TCF7L2: variants seen among roughly 807,000 people sequenced by gnomAD.
TCF7L2 encodes transcription factor 7 like 2.
In TCF7L2, 23 loss-of-function variants were observed where a neutral mutation model predicts 77.9. The ratio of observed to expected loss-of-function variants is 0.30; its 90% confidence interval spans 0.21 to 0.42. TCF7L2 has a LOEUF of 0.42. TCF7L2 is among the 10% of genes least tolerant of loss of function. The pLI is 1.00. For synonymous variants in TCF7L2, 413 were observed against 340.2 expected (o/e 1.21, Z -2.36); for missense variants, 654 against 793.1 (o/e 0.82, Z 2.11).
At chr10:113,025,898 G>A (rs1355028453) in intron 4 of TCF7L2, among the ~76,000 whole-genome samples, 4 of 144,742 alleles carry the variant, frequency 2.8e-5, no homozygotes, top group East Asian at 3.9e-4. Flanking sequence ...TTTTTTTTTA[G>A]ATAGAGTCTT....
rs1321018150 is a variant in TCF7L2 at position 113,160,673 on chromosome 10, T to C, written c.1373T>C (p.Leu458Ser). The C allele has an allele frequency of 1.3e-6, 2 of 1,595,438 alleles. No homozygotes were observed. The highest frequency in any genetic ancestry group is 1.1e-5 in the South Asian group (1 of 87,318). The change falls in exon 13 of 14, where the codon TTA becomes TCA. Residue 458 changes from leucine (L) to serine (S), a missense_variant. Around this residue, in one of 6 missense-constraint regions of TCF7L2, gnomAD observed 272 missense variants for 215.4 expected, o/e 1.26. Coordinates refer to ENST00000627217, the MANE Select transcript of TCF7L2 (RefSeq NM_001146274.2). ...CTGTTCGGGCTTGACCGACAGACTT[T>C]ATGGTGCAAACCGTGCAGGTATATT...
intron 4 of TCF7L2, among the ~76,000 whole-genome samples, chr10:113,004,937 G>T (rs1423708959): frequency 6.6e-6 from 1 of 152,130 alleles, no homozygotes; most frequent in Non-Finnish European, 1.5e-5. Flanking sequence ...GCCTCCCAAA[G>T]GCTGTGATTA....
At chr10:113,012,190 C>T (rs747748375) in intron 4 of TCF7L2, among the ~76,000 whole-genome samples, 7 of 152,158 alleles carry the variant, frequency 4.6e-5, no homozygotes, top group Admixed American at 1.3e-4. Context: ...TAGATCAGAA[C>T]ATCTGGGGAA....
intron 5 of TCF7L2, among the ~76,000 whole-genome samples, chr10:113,046,210 T>C (rs2053422109): frequency 6.6e-6 from 1 of 152,146 alleles, no homozygotes; most frequent in African/African-American, 2.4e-5. Context: ...ACCATGGCAA[T>C]AGAAAATATC....
At chr10:113,129,210 CCCCTCTCCCATCGCAG>C in intron 5 of TCF7L2, 1 of 610,706 alleles carries the variant, frequency 1.6e-6, no homozygotes, top group South Asian at 7.2e-5. Flanking sequence ...CCTCCTCCCT[CCCCTCTCCCATCGCAG>C]CCCTCTCCCT....
intron 5 of TCF7L2, among the ~76,000 whole-genome samples, chr10:113,109,056 T>C (rs2062780830): frequency 6.6e-6 from 1 of 152,224 alleles, no homozygotes; most frequent in Admixed American, 6.5e-5. Flanking sequence ...ACAGTGTGTA[T>C]ACACAAACAC....
Position 113,041,384 on chromosome 10 carries a change from T to A in TCF7L2, c.552+1258T>A, listed in dbSNP as rs577556974. Among the ~76,000 whole-genome samples the A allele has an allele frequency of 5.9e-5, 9 of 152,300 alleles. No homozygotes were observed. The South Asian group carries it at 1.9e-3, about 32-fold the overall frequency. On this transcript the variant is annotated intron_variant, in intron 5 of 13. Coordinates refer to ENST00000627217, the MANE Select transcript of TCF7L2 (RefSeq NM_001146274.2). ...AAGGTCAAGATTTCAGGGCTGGAAGTGACCTTAGATCATTTAGGCCCAACT... is the reference window on the plus strand; with the variant it reads ...AAGGTCAAGATTTCAGGGCTGGAAGAGACCTTAGATCATTTAGGCCCAACT...
At chr10:112,952,006 C>G (rs940934802) in intron 3 of TCF7L2, 1 of 152,476 alleles carries the variant, frequency 6.6e-6, no homozygotes, top group Admixed American at 6.6e-5. Flanking sequence ...CCTTTGCTCT[C>G]TCTCCCTCTC....
chr10:112,966,210 A>ATATATATATATATATATATATATATATT (rs1554877072), intron 4 of TCF7L2, among the ~76,000 whole-genome samples: 1 of 108,616 alleles, frequency 9.2e-6, no homozygotes, highest in Admixed American at 9.0e-5. Flanking sequence ...ATATATATAT[A>ATATATATATATATATATATATATATATT]TTTTCTTTTC....
chr10:113,125,040 G>A (rs2065356395), intron 5 of TCF7L2, among the ~76,000 whole-genome samples: 4 of 152,144 alleles, frequency 2.6e-5, no homozygotes, highest in Admixed American at 6.5e-5. Context: ...CCTGAATAAA[G>A]TGAGAGAGAC....
chr10:112,976,610 G>A (rs1018301153), intron 4 of TCF7L2, among the ~76,000 whole-genome samples: 3 of 152,186 alleles, frequency 2.0e-5, no homozygotes, highest in African/African-American at 7.2e-5. Flanking sequence ...CTAATTGTGG[G>A]CAGAAAGGAA....
chr10:113,081,464 A>G (rs2059309868), intron 5 of TCF7L2, among the ~76,000 whole-genome samples: 1 of 152,208 alleles, frequency 6.6e-6, no homozygotes, highest in African/African-American at 2.4e-5. Flanking sequence ...GTTCTTCCAT[A>G]GCCAGTCATT....
chr10:113,125,361 G>C (rs1359012484), intron 5 of TCF7L2, among the ~76,000 whole-genome samples: 1 of 151,484 alleles, frequency 6.6e-6, no homozygotes, highest in Non-Finnish European at 1.5e-5. Context: ...TAACTAAATA[G>C]CTTGAATAGT....
chr10:113,089,944 G>A (rs755114114), intron 5 of TCF7L2, among the ~76,000 whole-genome samples: 10 of 152,250 alleles, frequency 6.6e-5, no homozygotes, highest in African/African-American at 9.6e-5. Context: ...CTTTGCCTTC[G>A]TTACTAGTAA....
Position 113,167,026 on chromosome 10 carries a change from C to T in TCF7L2, c.*1054C>T, listed in dbSNP as rs1405717457. 1.3e-5 allele frequency: 3 copies of T among 231,574 alleles called. No individual in the cohort carries two copies. Among genetic ancestry groups the T allele is most frequent in the Admixed American group, 1.1e-4 (2 of 17,720 alleles). The allele number at this position is 231,574 out of a possible 1,614,324, so 14.3% of individuals were successfully genotyped here. ...TTTGAACTCCCAGTGGGATGCCCTA[C>T]CCTGCGCCCTTAGGACCCGGACTGA... On this transcript the variant is annotated 3_prime_UTR_variant, in exon 14 of 14. Transcript: ENST00000627217.
At chr10:113,063,346 C>A (rs1281994900) in intron 5 of TCF7L2, among the ~76,000 whole-genome samples, 1 of 152,180 alleles carries the variant, frequency 6.6e-6, no homozygotes, top group African/African-American at 2.4e-5. Flanking sequence ...GGGGGCCACC[C>A]AACCAAACTG....
intron 5 of TCF7L2, among the ~76,000 whole-genome samples, chr10:113,131,510 C>A (rs978445893): frequency 2.0e-5 from 3 of 152,280 alleles, no homozygotes; most frequent in Admixed American, 2.0e-4. Context: ...AGGTTCTAGA[C>A]CCTAGTTTAC....
chr10:113,043,326 A>G (rs993203986), intron 5 of TCF7L2, among the ~76,000 whole-genome samples: 1 of 152,236 alleles, frequency 6.6e-6, no homozygotes, highest in African/African-American at 2.4e-5. Context: ...TTACCACATT[A>G]GAAACGATTG....
chr10:113,031,132 G>A lies in TCF7L2; in HGVS notation c.451-8893G>A, dbSNP rs146120397. Among the ~76,000 whole-genome samples, 8 of 152,326 alleles carry A rather than the reference G, an allele frequency of 5.3e-5. No homozygotes were observed. In the East Asian group the frequency reaches 1.5e-3, roughly 29 times the overall value. ...GTTCTGGTTTCAGTCCCTCATAACT[G>A]TGTATAACTAAGTCACTTAGTTTTC... On this transcript the variant is annotated intron_variant, in intron 4 of 13. Transcript: ENST00000627217.
Sources: allele counts gnomAD v4.1 joint callset (sites outside exome capture counted in the v4.1 genomes callset), GRCh38; gene constraint gnomAD v4.1.1; regional missense constraint gnomAD v4.1.1; transcripts MANE v1.5; gene names NCBI Gene and HGNC (gene_info 2026-07-23, HGNC 2026-07-21).